PHLDB3: variants seen among roughly 807,000 people sequenced by gnomAD.
PHLDB3 encodes pleckstrin homology-like domain family B member 3.
PHLDB3 carries 86 observed loss-of-function variants against 85.7 expected under a neutral mutation model. The observed-to-expected ratio is 1.00, with a 90% CI of 0.84 to 1.20. The LOEUF is 1.20. Ranked by LOEUF, PHLDB3 falls within the 50% of genes most tolerant of loss-of-function variation. The pLI, the probability that PHLDB3 is intolerant of heterozygous loss-of-function variation, is 0.00. For synonymous variants in PHLDB3, 376 were observed against 349.8 expected (o/e 1.07, Z -0.83); for missense variants, 995 against 873.0 (o/e 1.14, Z -1.76).
Position 43,497,259 on chromosome 19 carries a change from C to T in PHLDB3, c.684G>A (p.Val228=), listed in dbSNP as rs1178198235. 10 of 1,487,398 alleles carry T rather than the reference C, an allele frequency of 6.7e-6. No individual in the cohort carries two copies. Among genetic ancestry groups the T allele is most frequent in the Middle Eastern group, 1.8e-4 (1 of 5,502 alleles). The allele number at this position is 1,487,398 out of a possible 1,614,324, so 92.1% of individuals were successfully genotyped here. The part of the protein sequence containing the change: ...GVQEMREQLD[V]AQRAYEDLEF... ...CCAGGTCCTCATAGGCACGTTGGGCCACATCCAGTTGTTCCCTCATCTATA... is the reference window on the plus strand; with the variant it reads ...CCAGGTCCTCATAGGCACGTTGGGCTACATCCAGTTGTTCCCTCATCTATA... The change falls in exon 6 of 16, where the codon GTG becomes GTA. Residue 228 remains valine, a synonymous_variant. Coordinates refer to ENST00000292140, the MANE Select transcript of PHLDB3 (RefSeq NM_198850.4).
chr19:43,486,019 A>C, intron 13 of PHLDB3: 4 of 985,364 alleles, frequency 4.1e-6, no homozygotes, highest in African/African-American at 1.7e-5. Flanking sequence ...CATTGTCACC[A>C]ATGTACAGAA....
Position 43,475,277 on chromosome 19 carries a change from G to A in PHLDB3, c.*133C>T, listed in dbSNP as rs1210081130. 1 of 1,269,980 alleles carries A rather than the reference G, an allele frequency of 7.9e-7. No homozygotes were observed. The highest frequency in any genetic ancestry group is 1.1e-6 in the Non-Finnish European group (1 of 937,078). 78.7% of individuals were successfully genotyped at this position (1,269,980 alleles called of 1,614,324 possible). ...CAGCTCAGGCCAGCTGAACTGCCGC[G>A]CCTGCGGAATTCCCGGGAGAGTTCC... On this transcript the variant is annotated 3_prime_UTR_variant, in exon 16 of 16. Transcript: ENST00000292140.
At position 43,475,364 on chromosome 19, in the gene PHLDB3, G is replaced by T. The variant is rs1970901626; in HGVS notation, c.*46C>A. 2.5e-6 allele frequency: 4 copies of T among 1,599,272 alleles called. No homozygotes were observed. Among genetic ancestry groups the T allele is most frequent in the Non-Finnish European group, 2.6e-6 (3 of 1,171,106 alleles). ...GCCTAGGAACGCCCCCGCGCCCCGCGCCGGCGGAGCCTCGAAGGGACTTCC... is the reference window on the plus strand; with the variant it reads ...GCCTAGGAACGCCCCCGCGCCCCGCTCCGGCGGAGCCTCGAAGGGACTTCC... On this transcript the variant is annotated 3_prime_UTR_variant, in exon 16 of 16. Transcript: ENST00000292140.
chr19:43,493,780 A>G (rs1405424845), intron 9 of PHLDB3, among the ~76,000 whole-genome samples: 1 of 151,200 alleles, frequency 6.6e-6, no homozygotes, highest in Non-Finnish European at 1.5e-5. Context: ...CAAATATATC[A>G]TTTTTAAAAA....
rs10685194 is a variant in PHLDB3, at chr19:43,502,457, CTT to C, written c.214-176_214-175del. ...AGGCTCTTTTCTTTTTCTTTCTTATCTTTTTTTTTTTTTTGTCCTGAGATAGG... is the reference window on the plus strand; with the variant it reads ...AGGCTCTTTTCTTTTTCTTTCTTATCTTTTTTTTTTTTGTCCTGAGATAGG... On this transcript the variant is annotated intron_variant, in intron 2 of 15. Coordinates refer to ENST00000292140, the MANE Select transcript of PHLDB3 (RefSeq NM_198850.4). Among the ~76,000 whole-genome samples, 121 of 136,652 alleles carry C rather than the reference CTT, an allele frequency of 8.9e-4. 1 individual carries two copies. The highest frequency in any genetic ancestry group is 1.3e-3 in the Non-Finnish European group (85 of 64,568). The allele number at this position is 136,652 out of a possible 152,430, so 89.6% of individuals were successfully genotyped here.
rs373252899 is a variant in PHLDB3 at position 43,486,636 on chromosome 19, C to A, written c.1401G>T (p.Ala467=). ...GGGCCTTGAGCAGCCGCTCCCTCTC[C>A]GCCATGGCCTGCTGCAGGAGCCGCT... ...HMERLLQQAM[A]ERERLLKARE... Residue 467 remains alanine, a synonymous_variant, in exon 12 of 16, where the codon GCG becomes GCT. Transcript: ENST00000292140. The A allele has an allele frequency of 6.2e-7, 1 of 1,613,786 alleles. No homozygotes were observed. Among genetic ancestry groups the A allele is most frequent in the Non-Finnish European group, 8.5e-7 (1 of 1,179,826 alleles).
chr19:43,478,315 A>G (rs2682543), intron 14 of PHLDB3, among the ~76,000 whole-genome samples, 183 bp from the exon 15 acceptor site: 105,900 of 151,870 alleles, frequency 0.7, 37,150 homozygotes, highest in African/African-American at 0.78. Context: ...GAGACTGGGC[A>G]CAGAAACTGG....
At chr19:43,501,895 G>A in intron 3 of PHLDB3, 24 bp from the exon 4 acceptor site, 1 of 1,569,136 alleles carries the variant, frequency 6.4e-7, no homozygotes, top group Non-Finnish European at 8.6e-7. Flanking sequence ...GCCAGGGCTG[G>A]GGGCTCGGAC....
intron 9 of PHLDB3, among the ~76,000 whole-genome samples, chr19:43,487,685 G>A (rs1033931705): frequency 1.3e-5 from 2 of 151,972 alleles, no homozygotes; most frequent in African/African-American, 2.4e-5. Context: ...GTAGATCGGG[G>A]AACCGAGAGG....
chr19:43,478,818 G>T (rs1163750871), intron 14 of PHLDB3, among the ~76,000 whole-genome samples: 1 of 152,194 alleles, frequency 6.6e-6, no homozygotes, highest in Non-Finnish European at 1.5e-5. Context: ...AGGAGGCTGA[G>T]GCAGGAGAAT....
chr19:43,485,977 T>C (rs1309369777), intron 13 of PHLDB3: 1 of 985,182 alleles, frequency 1.0e-6, no homozygotes, highest in Non-Finnish European at 1.2e-6. Context: ...AGTCCCAGCA[T>C]GGACTTGTCC....
At position 43,475,694 on chromosome 19, in the gene PHLDB3, C is replaced by A. The variant is rs1599928316; in HGVS notation, c.1789-150G>T. The stretch of plus-strand genomic sequence containing the variant: ...AGTTTCCCTGTCTTCCCAAATGATG[C>A]CACCTACCTCACTGGGTTATAAGGA... On this transcript the variant is annotated intron_variant, in intron 15 of 15. Coordinates refer to ENST00000292140, the MANE Select transcript of PHLDB3 (RefSeq NM_198850.4). 4.2e-6 allele frequency: 4 copies of A among 948,298 alleles called. No homozygotes were observed. The East Asian group carries it at 1.1e-4, about 25-fold the overall frequency. 58.7% of individuals were successfully genotyped at this position (948,298 alleles called of 1,614,324 possible). A position where few individuals can be genotyped will look rare whatever the true frequency, so the allele number is the denominator to read the frequency against.
chr19:43,486,509 C>A (rs1300013182), intron 12 of PHLDB3, 100 bp downstream of exon 12: 13 of 1,417,874 alleles, frequency 9.2e-6, no homozygotes, highest in African/African-American at 2.8e-5. Context: ...GGGGCCTGGA[C>A]CCCTGGGTCT....
At chr19:43,475,650 A>G (rs1165657712) in intron 15 of PHLDB3, 106 bp from the exon 16 acceptor site, 17 of 1,388,808 alleles carry the variant, frequency 1.2e-5, no homozygotes, top group Non-Finnish European at 1.5e-5. Context: ...TGGACAAGGT[A>G]CTTAAGTATC....
intron 2 of PHLDB3, 112 bp from the exon 3 acceptor site, chr19:43,502,395 C>G: frequency 1.0e-6 from 1 of 971,322 alleles, no homozygotes; most frequent in Non-Finnish European, 1.5e-6. Flanking sequence ...CATCAGTCCA[C>G]TTACCTAACA....
At position 43,504,071 on chromosome 19, in the gene PHLDB3, G is replaced by A; in HGVS notation, c.48C>T (p.Val16=). ...SPEEGTPPPL[V]PECDVEVQPQ... is the part of the protein sequence containing the mutation. ...GCTGGACCTCCACGTCGCATTCCGGGACCAGCGGCGGCGGGGTCCCCTCCT... is the reference window on the plus strand; with the variant it reads ...GCTGGACCTCCACGTCGCATTCCGGAACCAGCGGCGGCGGGGTCCCCTCCT... The change falls in exon 2 of 16, where the codon GTC becomes GTT. Residue 16 remains valine (V), a synonymous_variant. Transcript: ENST00000292140. 2 of 1,612,936 alleles carry A rather than the reference G, an allele frequency of 1.2e-6. No homozygotes were observed. Among genetic ancestry groups the A allele is most frequent in the Non-Finnish European group, 8.5e-7 (1 of 1,179,486 alleles).
chr19:43,493,622 ACT>A (rs1971373622), intron 9 of PHLDB3, among the ~76,000 whole-genome samples: 1 of 150,032 alleles, frequency 6.7e-6, no homozygotes, highest in African/African-American at 2.5e-5. Context: ...ACAGAGTGAG[ACT>A]CTGTCAAAAA....
At position 43,495,638 on chromosome 19, in the gene PHLDB3, C is replaced by T; in HGVS notation, c.826-18G>A. 6.3e-7 allele frequency: 1 copy of T among 1,599,894 alleles called. No homozygotes were observed. Among genetic ancestry groups the T allele is most frequent in the Non-Finnish European group, 8.5e-7 (1 of 1,173,588 alleles). ...GCACCCCTCTGTCCCGGTTACTCAT[C>T]TGTCACGGCCCCAGCCAGCTCTCCA... is the stretch of plus-strand genomic sequence containing the variant. On this transcript the variant is annotated intron_variant, in intron 6 of 15. Coordinates refer to ENST00000292140, the MANE Select transcript of PHLDB3 (RefSeq NM_198850.4).
In PHLDB3 at chr19:43,479,703, C is replaced by T; in HGVS notation, c.1486-110G>A. 4.3e-6 allele frequency: 3 copies of T among 703,778 alleles called. No homozygotes were observed. In the South Asian group the frequency reaches 5.3e-5, roughly 12 times the overall value. The allele number at this position is 703,778 out of a possible 1,614,324, so 43.6% of individuals were successfully genotyped here. On this transcript the variant is annotated intron_variant, in intron 13 of 15. Coordinates refer to ENST00000292140, the MANE Select transcript of PHLDB3 (RefSeq NM_198850.4). Reference sequence around the variant, plus strand: ...AGCTTGCATGTAAGGCCCGCTACAGCCTTTAGAGGGTAATATTAACTAGGA... The same window carrying T: ...AGCTTGCATGTAAGGCCCGCTACAGTCTTTAGAGGGTAATATTAACTAGGA...
Sources: gnomAD v4.1 joint callset for allele counts (sites outside exome capture counted in the v4.1 genomes callset) on GRCh38, gnomAD v4.1.1 for gene constraint, MANE v1.5 for transcripts, NCBI Gene and HGNC (gene_info 2026-07-23, HGNC 2026-07-21) for gene names.